Variants in TRAF1 observed in about 807,000 individuals in gnomAD.
The protein encoded by TRAF1 is TNF receptor associated factor 1.
Under a neutral mutation model 40.9 loss-of-function variants are expected in TRAF1, and 23 were observed. The ratio of observed to expected loss-of-function variants is 0.56; its 90% CI spans 0.40 to 0.80. The LOEUF (loss-of-function observed/expected upper bound fraction) is 0.80, where lower values mean the gene tolerates loss of function less well. Among genes scored for constraint, TRAF1 ranks in the 30% least tolerant of loss-of-function variants. TRAF1 has a pLI of 0.00. For synonymous variants in TRAF1, 206 were observed against 218.8 expected (o/e 0.94, Z 0.52); for missense variants, 477 against 528.7 (o/e 0.90, Z 0.96).
chr9:120,919,379 G>A (rs1427695237), intron 3 of TRAF1, among the ~76,000 whole-genome samples: 4 of 152,208 alleles, frequency 2.6e-5, no homozygotes, highest in Non-Finnish European at 4.4e-5. Flanking sequence ...GGCCCTTTGT[G>A]GTGGGGTCAC....
chr9:120,907,054 G>C (rs1176673614), intron 7 of TRAF1, among the ~76,000 whole-genome samples: 11 of 152,128 alleles, frequency 7.2e-5, no homozygotes, highest in Non-Finnish European at 1.6e-4. Context: ...ATTTTTTGTA[G>C]AGACAGGGTT....
chr9:120,909,971 G>A (rs2046513890), intron 6 of TRAF1, among the ~76,000 whole-genome samples: 1 of 152,152 alleles, frequency 6.6e-6, no homozygotes, highest in African/African-American at 2.4e-5. Context: ...GGGTACATGG[G>A]GTGACTCGCA....
intron 3 of TRAF1, among the ~76,000 whole-genome samples, chr9:120,919,597 T>C (rs1034130941): frequency 7.2e-5 from 11 of 152,208 alleles, no homozygotes; most frequent in Non-Finnish European, 1.3e-4. Context: ...CAGCTGGTGC[T>C]GAGGGGGTGC....
chr9:120,908,605 G>A (rs959228826), intron 7 of TRAF1, among the ~76,000 whole-genome samples: 9 of 152,038 alleles, frequency 5.9e-5, no homozygotes, highest in Non-Finnish European at 8.8e-5. Flanking sequence ...TGTCACCCAG[G>A]CTGGAGTGCA....
At chr9:120,915,870 T>C (rs1347787941) in intron 3 of TRAF1, among the ~76,000 whole-genome samples, 1 of 152,000 alleles carries the variant, frequency 6.6e-6, no homozygotes, top group African/African-American at 2.4e-5. Flanking sequence ...ACAGATACAA[T>C]CTATGAAAGT....
At position 120,904,337 on chromosome 9, in the gene TRAF1, G is replaced by A. The variant is rs1293117067; in HGVS notation, c.*683C>T. ...CAGTCCAGTGGGGGTTACTGAAGGT[G>A]AGTGAGGAGCTGGGAGGACAGGAAG... On this transcript the variant is annotated 3_prime_UTR_variant, in exon 8 of 8. Transcript: ENST00000373887. 6.6e-6 allele frequency: 1 copy of A among 152,490 alleles called. No homozygotes were observed. The highest frequency in any genetic ancestry group is 1.5e-5 in the Non-Finnish European group (1 of 68,284). 9.4% of individuals were successfully genotyped at this position (152,490 alleles called of 1,614,324 possible).
rs961262405 is a variant in TRAF1, at chr9:120,911,474, C to T, written c.745G>A (p.Ala249Thr). 1.2e-6 allele frequency: 2 copies of T among 1,613,096 alleles called. No individual in the cohort carries two copies. The highest frequency in any genetic ancestry group is 1.7e-6 in the Non-Finnish European group (2 of 1,179,912). Reference protein sequence around the residue: ...LQQTLAQKDQALGKLEQSLRL... With the variant: ...LQQTLAQKDQTLGKLEQSLRL... ...AAGCTCTGCTCCAGCTTGCCCAGGG[C>T]CTGGTCTTTCTGGGCCAGGGTCTGC... Residue 249 changes from alanine to threonine, a missense_variant, in exon 6 of 8, where the codon GCC (alanine) becomes ACC (threonine). Ala to Thr is a moderately conservative substitution (Grantham distance 58). Coordinates refer to ENST00000373887, the MANE Select transcript of TRAF1 (RefSeq NM_005658.5).
intron 7 of TRAF1, among the ~76,000 whole-genome samples, chr9:120,908,877 A>G (rs1460554715): frequency 4.6e-5 from 7 of 152,028 alleles, no homozygotes; most frequent in Admixed American, 4.6e-4. Flanking sequence ...TTTTATTTTT[A>G]GCAGAGATGA....
rs555041272 is a variant in TRAF1 at position 120,913,759 on chromosome 9, A to C, written c.295-21T>G. The C allele has an allele frequency of 8.2e-4, 1,258 of 1,535,402 alleles. 27 individuals are homozygous for C. In the South Asian group the frequency reaches 0.014, roughly 17 times the overall value. On this transcript the variant is annotated intron_variant, in intron 4 of 7. Transcript: ENST00000373887. ...CTTCCCTGACAAGAGAGTGGGGCTGATCAGTGAAAACAGAGGTGGAGTGAG... is the reference window on the plus strand; with the variant it reads ...CTTCCCTGACAAGAGAGTGGGGCTGCTCAGTGAAAACAGAGGTGGAGTGAG...
At chr9:120,920,292 T>C (rs2131631729) in intron 3 of TRAF1, among the ~76,000 whole-genome samples, 1 of 152,180 alleles carries the variant, frequency 6.6e-6, no homozygotes, top group South Asian at 2.1e-4. Flanking sequence ...AAGAGGAGAA[T>C]GTTGCATCAC....
At chr9:120,916,258 C>G (rs1245251350) in intron 3 of TRAF1, among the ~76,000 whole-genome samples, 1 of 152,172 alleles carries the variant, frequency 6.6e-6, no homozygotes, top group African/African-American at 2.4e-5. Flanking sequence ...ACTAGAGTGA[C>G]AGGAAGTAGA....
intron 3 of TRAF1, among the ~76,000 whole-genome samples, chr9:120,921,014 C>T (rs1256278548): frequency 1.3e-5 from 2 of 152,118 alleles, no homozygotes; most frequent in African/African-American, 4.8e-5. Context: ...GGTGATCAGA[C>T]CATGACTTAC....
chr9:120,923,136 T>C (rs1265031667), intron 3 of TRAF1, among the ~76,000 whole-genome samples: 1 of 152,222 alleles, frequency 6.6e-6, no homozygotes, highest in Non-Finnish European at 1.5e-5. Flanking sequence ...TCTATGTAAT[T>C]TGAATTCTAA....
intron 3 of TRAF1, among the ~76,000 whole-genome samples, chr9:120,916,813 G>C (rs1307370989): frequency 6.6e-6 from 1 of 152,130 alleles, no homozygotes; most frequent in Admixed American, 6.5e-5. Context: ...GCTTCGGGAA[G>C]TCTGTGGTGA....
chr9:120,905,560 G>A (rs1191725408), intron 7 of TRAF1, among the ~76,000 whole-genome samples: 4 of 152,200 alleles, frequency 2.6e-5, no homozygotes, highest in African/African-American at 7.2e-5. Context: ...TGGGGGCAGA[G>A]GGTGTGACTG....
Position 120,904,993 on chromosome 9 carries a change from G to T in TRAF1, c.*27C>A, listed in dbSNP as rs200688324. The T allele has an allele frequency of 3.7e-6, 6 of 1,601,948 alleles. No homozygotes were observed. The East Asian group carries it at 1.1e-4, about 30-fold the overall frequency. On this transcript the variant is annotated 3_prime_UTR_variant, in exon 8 of 8. Coordinates refer to ENST00000373887, the MANE Select transcript of TRAF1 (RefSeq NM_005658.5). ...CCTCTGGCTAGCTCCCTTCTGAGTT[G>T]GAGCTCCCTCAGGAGCCCCGCCCAC...
chr9:120,920,969 G>T (rs1023104028), intron 3 of TRAF1, among the ~76,000 whole-genome samples: 1 of 152,172 alleles, frequency 6.6e-6, no homozygotes. Flanking sequence ...AAAGTCAGAG[G>T]AGTCCCTGGT....
At chr9:120,921,029 C>T (rs1343514369) in intron 3 of TRAF1, among the ~76,000 whole-genome samples, 2 of 152,138 alleles carry the variant, frequency 1.3e-5, no homozygotes, top group Admixed American at 1.3e-4. Context: ...ACTTACCGCC[C>T]CTCCCCACCC....
chr9:120,907,661 G>T (rs1434324912), intron 7 of TRAF1, among the ~76,000 whole-genome samples: 1 of 152,142 alleles, frequency 6.6e-6, no homozygotes, highest in Non-Finnish European at 1.5e-5. Context: ...CCAGATTTTG[G>T]CCATTCTAGT....
Sources: gnomAD v4.1 joint callset for allele counts (sites outside exome capture counted in the v4.1 genomes callset) on GRCh38, gnomAD v4.1.1 for gene constraint, MANE v1.5 for transcripts, NCBI Gene and HGNC (gene_info 2026-07-23, HGNC 2026-07-21) for gene names.